Variants in DCLRE1A observed in about 807,000 individuals in gnomAD.
DCLRE1A encodes the protein DNA cross-link repair 1A protein.
DCLRE1A carries 64 observed loss-of-function variants against 91.9 expected under a neutral mutation model. That is an observed-to-expected ratio of 0.70 (90% CI 0.57 to 0.86). The LOEUF (loss-of-function observed/expected upper bound fraction) is 0.86. DCLRE1A is among the 40% of genes least tolerant of loss of function. DCLRE1A has a pLI of 0.00. For synonymous variants in DCLRE1A, 416 were observed against 431.1 expected (o/e 0.96, Z 0.43); for missense variants, 1,145 against 1,213.3 (o/e 0.94, Z 0.84).
rs1431866798 is a variant in DCLRE1A at position 113,845,771 on chromosome 10, A to G, written c.2292T>C (p.His764=). ...ATGGGTGAATATATTGTTCTTGCAC[A>G]TGAAGCTTGTTCTTCAACAAATTGC... is the stretch of plus-strand genomic sequence containing the variant. ...ITGNLLKNKL[H]VQEQYIHPLP... Residue 764 remains histidine (H), a synonymous_variant, in exon 4 of 9, where the codon CAT becomes CAC. Transcript: ENST00000361384. 3.1e-6 allele frequency: 5 copies of G among 1,614,156 alleles called. No homozygotes were observed. In the Admixed American group the frequency reaches 5.0e-5, roughly 16 times the overall value.
chr10:113,843,176 A>C (rs899754730), intron 5 of DCLRE1A, among the ~76,000 whole-genome samples: 2 of 152,124 alleles, frequency 1.3e-5, no homozygotes, highest in African/African-American at 2.4e-5. Context: ...AAAAGTAAGC[A>C]CTTTTTCACT....
chr10:113,844,090 A>G lies in DCLRE1A; in HGVS notation c.2519+14T>C. 1 of 1,613,190 alleles carries G rather than the reference A, an allele frequency of 6.2e-7. No individual in the cohort carries two copies. The highest frequency in any genetic ancestry group is 8.5e-7 in the Non-Finnish European group (1 of 1,179,700). On this transcript the variant is annotated intron_variant, in intron 5 of 8. Transcript: ENST00000361384. ...CAGTGGGAAAAGGAAACACACAAAAAAAGCCTCTCTTACGTGGTATCTAAG... is the reference window on the plus strand; with the variant it reads ...CAGTGGGAAAAGGAAACACACAAAAGAAGCCTCTCTTACGTGGTATCTAAG...
intron 4 of DCLRE1A, 28 bp from the exon 5 acceptor site, chr10:113,844,272 A>C: frequency 6.2e-7 from 1 of 1,612,382 alleles, no homozygotes; most frequent in Non-Finnish European, 8.5e-7. Context: ...AGGAATGTTC[A>C]TAACACAGGC....
chr10:113,852,618 C>G, intron 1 of DCLRE1A, 105 bp downstream of exon 1: 1 of 1,144,168 alleles, frequency 8.7e-7, no homozygotes. Flanking sequence ...TCTCATCTCT[C>G]TTTTAGGTTA....
intron 7 of DCLRE1A, among the ~76,000 whole-genome samples, chr10:113,840,778 A>G (rs1845433788): frequency 6.6e-6 from 1 of 152,214 alleles, no homozygotes; most frequent in Non-Finnish European, 1.5e-5. Context: ...ATTTATTTTA[A>G]TATACAGGTT....
chr10:113,839,324 CAAAAAAA>C (rs35405311), intron 7 of DCLRE1A, among the ~76,000 whole-genome samples: 10 of 61,240 alleles, frequency 1.6e-4, no homozygotes, highest in African/African-American at 3.7e-4. Flanking sequence ...GACCCTGTCT[CAAAAAAA>C]AAAAAAAAAA....
rs377601949 is a variant in DCLRE1A at position 113,853,153 on chromosome 10, A to G, written c.30T>C (p.Ile10=). The change falls in exon 1 of 9, where the codon ATT becomes ATC. Residue 10 remains isoleucine, a synonymous_variant. Coordinates refer to ENST00000361384, the MANE Select transcript of DCLRE1A (RefSeq NM_014881.5). MLEDISEED[I]WEYKSKRKPK... Reference sequence around the variant, plus strand: ...GTTTTCTTTTAGATTTGTATTCCCAAATGTCTTCTTCGGAAATGTCTTCTA... The same window carrying G: ...GTTTTCTTTTAGATTTGTATTCCCAGATGTCTTCTTCGGAAATGTCTTCTA... 26 of 1,578,738 alleles carry G rather than the reference A, an allele frequency of 1.6e-5. 1 individual carries two copies. The African/African-American group carries it at 3.6e-4, about 22-fold the overall frequency.
chr10:113,835,999 G>A lies in DCLRE1A; in HGVS notation c.2963-687C>T, dbSNP rs146453102. 1.9e-3 allele frequency among the ~76,000 whole-genome samples: 292 copies of A among 152,168 alleles called. 2 individuals carry two copies. The highest frequency in any genetic ancestry group is 6.8e-3 in the African/African-American group (282 of 41,516). On this transcript the variant is annotated intron_variant, in intron 8 of 8. Transcript: ENST00000361384. ...GAGATCTGATGGTTTGAAAGTGCGT[G>A]GCACTTCCCCCTTTGTGCTCTCTCT...
intron 4 of DCLRE1A, among the ~76,000 whole-genome samples, chr10:113,844,936 CAA>C (rs531248552): frequency 5.3e-5 from 4 of 75,340 alleles, no homozygotes; most frequent in Non-Finnish European, 5.7e-5. Flanking sequence ...AACTCTGTCT[CAA>C]AAAAAAAAAA....
chr10:113,839,302 T>G (rs913660238), intron 7 of DCLRE1A, among the ~76,000 whole-genome samples: 3 of 112,026 alleles, frequency 2.7e-5, no homozygotes, highest in Admixed American at 1.4e-4. Flanking sequence ...TCCAGCCTGG[T>G]GGACAGAGCG....
Position 113,849,693 on chromosome 10 carries a change from C to G in DCLRE1A, c.1412G>C (p.Ser471Thr), listed in dbSNP as rs777718870. ...VKSLMLKPFESQVEGYLSSQP... is the reference protein window; with the variant it reads ...VKSLMLKPFETQVEGYLSSQP... ...GGAAGAAAGATACCCTTCTACCTGA[C>G]TTTCAAAAGGTTTCAACATTAAACT... The change falls in exon 2 of 9, where the codon AGT becomes ACT. Residue 471 changes from serine to threonine, a missense_variant. Coordinates refer to ENST00000361384, the MANE Select transcript of DCLRE1A (RefSeq NM_014881.5). 1.2e-6 allele frequency: 2 copies of G among 1,614,160 alleles called. No individual in the cohort carries two copies. The highest frequency in any genetic ancestry group is 1.7e-6 in the Non-Finnish European group (2 of 1,180,026).
Position 113,848,967 on chromosome 10 carries a change from C to G in DCLRE1A, c.2125+13G>C. The G allele has an allele frequency of 6.2e-7, 1 of 1,602,198 alleles. No individual in the cohort carries two copies. The highest frequency in any genetic ancestry group is 8.5e-7 in the Non-Finnish European group (1 of 1,173,478). On this transcript the variant is annotated intron_variant, in intron 2 of 8. Transcript: ENST00000361384. ...TCTTTGTTGATATATCGAGTATTGA[C>G]ATTTCAACTTACCAGGTATTTTCTT...
In DCLRE1A at chr10:113,842,473, T is replaced by G. The variant is rs1845461120; in HGVS notation, c.2535A>C (p.Glu845Asp). 6 of 1,613,198 alleles carry G rather than the reference T, an allele frequency of 3.7e-6. No homozygotes were observed. The East Asian group carries it at 1.3e-4, about 36-fold the overall frequency. Reference sequence around the variant, plus strand: ...CCTCTTGCTGAGATGGAAAGGTGTATTCTGGGCTACAATATCTGTGGTATG... The same window carrying G: ...CCTCTTGCTGAGATGGAAAGGTGTAGTCTGGGCTACAATATCTGTGGTATG... ...LYLDTTYCSP[E>D]YTFPSQQEVI... is the part of the protein sequence containing the mutation. Residue 845 changes from glutamate to aspartate, a missense_variant, in exon 6 of 9, where the codon GAA becomes GAC. Glu to Asp is a conservative substitution (Grantham distance 45). Transcript: ENST00000361384.
intron 2 of DCLRE1A, 105 bp from the exon 3 acceptor site, chr10:113,847,440 T>C: frequency 8.1e-7 from 1 of 1,237,566 alleles, no homozygotes; most frequent in Non-Finnish European, 1.1e-6. Context: ...TTATTTCCAA[T>C]TTAACTATAT....
intron 5 of DCLRE1A, among the ~76,000 whole-genome samples, chr10:113,843,500 G>A (rs920956116): frequency 2.0e-5 from 3 of 152,084 alleles, no homozygotes; most frequent in African/African-American, 7.2e-5. Flanking sequence ...CTTGAAACAG[G>A]TTGAAATGGT....
Position 113,849,393 on chromosome 10 carries a change from T to C in DCLRE1A, c.1712A>G (p.Glu571Gly), listed in dbSNP as rs1244861570. The C allele has an allele frequency of 5.6e-6, 9 of 1,613,766 alleles. No homozygotes were observed. The highest frequency in any genetic ancestry group is 1.6e-4 in the Middle Eastern group (1 of 6,084). ...TGCACTTTCCCCTAGCAATTTCTCT[T>C]CCTTTCTTTTGGGAGGTAGTCCAAA... ...VYFGLPPKRK[E>G]EKLLGESALE... is the part of the protein sequence containing the mutation. The change falls in exon 2 of 9, where the codon GAA becomes GGA. Residue 571 changes from glutamate to glycine, a missense_variant. Physicochemically the swap from Glu to Gly is moderately conservative, Grantham distance 98. Coordinates refer to ENST00000361384, the MANE Select transcript of DCLRE1A (RefSeq NM_014881.5).
rs1421228091 is a variant in DCLRE1A at position 113,835,054 on chromosome 10, G to A, written c.*98C>T. On this transcript the variant is annotated 3_prime_UTR_variant, in exon 9 of 9. Transcript: ENST00000361384. ...AAAGTATCTGAACAATCTTCATGAG[G>A]TTTTTCCACACAAAGTGTATTTCAC... 3 of 1,230,554 alleles carry A rather than the reference G, an allele frequency of 2.4e-6. No homozygotes were observed. The highest frequency in any genetic ancestry group is 3.4e-6 in the Non-Finnish European group (3 of 881,770). The allele number at this position is 1,230,554 out of a possible 1,614,324, so 76.2% of individuals were successfully genotyped here. A position where few individuals can be genotyped will look rare whatever the true frequency, so the allele number is the denominator to read the frequency against.
In DCLRE1A at chr10:113,842,275, G is replaced by A. The variant is rs1052918130; in HGVS notation, c.2665+68C>T. On this transcript the variant is annotated intron_variant, in intron 6 of 8. Transcript: ENST00000361384. ...TCAAATGCAAGAGTAGAAACTGAAAGGGCATTATGCAAAAAGAATCTGATC... is the reference window on the plus strand; with the variant it reads ...TCAAATGCAAGAGTAGAAACTGAAAAGGCATTATGCAAAAAGAATCTGATC... The A allele has an allele frequency of 6.9e-6, 9 of 1,295,788 alleles. No homozygotes were observed. In the African/African-American group the frequency reaches 8.9e-5, roughly 13 times the overall value. The allele number at this position is 1,295,788 out of a possible 1,614,324, so 80.3% of individuals were successfully genotyped here.
chr10:113,840,638 A>T (rs1161962549), intron 7 of DCLRE1A, among the ~76,000 whole-genome samples: 1 of 152,216 alleles, frequency 6.6e-6, no homozygotes, highest in Non-Finnish European at 1.5e-5. Context: ...TGGCCATGAA[A>T]GTATCCAGCT....
Sources: gnomAD v4.1 joint callset for allele counts (sites outside exome capture counted in the v4.1 genomes callset) on GRCh38, gnomAD v4.1.1 for gene constraint, MANE v1.5 for transcripts, NCBI Gene and HGNC (gene_info 2026-07-23, HGNC 2026-07-21) for gene names.